DLGAP1: variants seen among roughly 807,000 people sequenced by gnomAD.
The protein encoded by DLGAP1 is disks large-associated protein 1.
DLGAP1 carries 11 observed loss-of-function variants against 90.8 expected under a neutral mutation model. That is an observed-to-expected ratio of 0.12 (90% CI 0.08 to 0.20). The LOEUF (loss-of-function observed/expected upper bound fraction) is 0.20, where lower values mean the gene tolerates loss of function less well. Ranked by LOEUF, DLGAP1 falls within the 10% of genes least tolerant of loss-of-function variation. The pLI is 1.00. For synonymous variants in DLGAP1, 558 were observed against 540.7 expected (o/e 1.03, Z -0.44); for missense variants, 1,050 against 1,333.8 (o/e 0.79, Z 3.31).
At chr18:3,501,588 C>T (rs900475985) in intron 12 of DLGAP1, among the ~76,000 whole-genome samples, 18 of 152,096 alleles carry the variant, frequency 1.2e-4, no homozygotes, top group African/African-American at 2.4e-4. Context: ...ACATGATATG[C>T]GGTAGCAGAA....
intron 1 of DLGAP1, among the ~76,000 whole-genome samples, chr18:4,238,091 T>C (rs548414896): frequency 6.6e-6 from 1 of 152,308 alleles, no homozygotes; most frequent in South Asian, 2.1e-4. Flanking sequence ...ATGTTTTGGA[T>C]TTTGGAGCAT....
chr18:3,650,786 T>A (rs2146437444), intron 7 of DLGAP1, among the ~76,000 whole-genome samples: 1 of 152,304 alleles, frequency 6.6e-6, no homozygotes, highest in South Asian at 2.1e-4. Flanking sequence ...ATGTTGAAAC[T>A]GGCCAGGCAT....
intron 3 of DLGAP1, among the ~76,000 whole-genome samples, chr18:3,930,090 A>G (rs1332985497): frequency 6.6e-6 from 1 of 152,218 alleles, no homozygotes; most frequent in African/African-American, 2.4e-5. Flanking sequence ...AACTTTGCCA[A>G]TTCAATGTGT....
intron 3 of DLGAP1, among the ~76,000 whole-genome samples, chr18:3,981,826 T>G (rs1052400466): frequency 6.6e-6 from 1 of 152,186 alleles, no homozygotes; most frequent in Non-Finnish European, 1.5e-5. Flanking sequence ...AGTGATGGAT[T>G]CTCTTTCACA....
intron 1 of DLGAP1, among the ~76,000 whole-genome samples, chr18:4,185,545 T>A (rs902218995): frequency 6.6e-6 from 1 of 152,158 alleles, no homozygotes; most frequent in African/African-American, 2.4e-5. Context: ...AGTTTGCTAA[T>A]GGCCTTTGGC....
chr18:3,609,896 A>G (rs2057518160), intron 7 of DLGAP1, among the ~76,000 whole-genome samples: 1 of 151,286 alleles, frequency 6.6e-6, no homozygotes, highest in Admixed American at 6.6e-5. Context: ...TGTCTCTACT[A>G]AAAATACAAA....
At chr18:4,306,558 A>G (rs2080270691) in intron 1 of DLGAP1, among the ~76,000 whole-genome samples, 1 of 151,880 alleles carries the variant, frequency 6.6e-6, no homozygotes, top group Non-Finnish European at 1.5e-5. Context: ...GGAAAACAGA[A>G]GCCCTGGTTA....
chr18:3,881,094 T>A (rs2148829234), intron 3 of DLGAP1, among the ~76,000 whole-genome samples: 1 of 151,986 alleles, frequency 6.6e-6, no homozygotes. Flanking sequence ...TCTTGCTTCT[T>A]GGGTCTTATT....
chr18:4,135,811 G>T (rs1406849790), intron 2 of DLGAP1, among the ~76,000 whole-genome samples: 1 of 89,010 alleles, frequency 1.1e-5, no homozygotes, highest in East Asian at 2.5e-4. Context: ...TTTTTTTACG[G>T]CTGAATAGTA....
intron 1 of DLGAP1, among the ~76,000 whole-genome samples, chr18:4,373,411 A>G (rs2081955766): frequency 6.6e-6 from 1 of 152,190 alleles, no homozygotes; most frequent in African/African-American, 2.4e-5. Flanking sequence ...AGTGGGAGGC[A>G]TCAAAGGAAG....
intron 8 of DLGAP1, among the ~76,000 whole-genome samples, chr18:3,567,906 GT>G (rs1261980844): frequency 1.0e-4 from 15 of 150,062 alleles, no homozygotes; most frequent in East Asian, 7.8e-4. Context: ...GTTCTTGGAA[GT>G]TTTTTTTTTC....
At chr18:3,651,583 A>G (rs551482926) in intron 7 of DLGAP1, among the ~76,000 whole-genome samples, 25 of 152,262 alleles carry the variant, frequency 1.6e-4, no homozygotes, top group African/African-American at 6.0e-4. Flanking sequence ...ACTTGAGGCC[A>G]GGAGTTTGAG....
intron 7 of DLGAP1, among the ~76,000 whole-genome samples, chr18:3,614,331 C>T (rs955335475): frequency 7.2e-5 from 11 of 152,000 alleles, no homozygotes; most frequent in Admixed American, 1.3e-4. Context: ...TCTGGGATAC[C>T]GCAAAGTATT....
Position 4,023,265 on chromosome 18 carries a change from CTTTCTTTTTCTCCTTTCT to C in DLGAP1, c.-158-18082_-158-18065del, listed in dbSNP as rs781323419. 3.9e-5 allele frequency among the ~76,000 whole-genome samples: 6 copies of C among 151,902 alleles called. No homozygotes were observed. In the South Asian group the frequency reaches 1.0e-3, roughly 26 times the overall value. On this transcript the variant is annotated intron_variant, in intron 2 of 12. Transcript: ENST00000315677. Reference sequence around the variant, plus strand: ...TGCTTATTTTTTTTCTTTAGGTTTTCTTTCTTTTTCTCCTTTCTTTTCTTTTTAAAAATGTACCATATG... The same window carrying C: ...TGCTTATTTTTTTTCTTTAGGTTTTCTTTCTTTTTAAAAATGTACCATATG...
chr18:4,053,072 C>T (rs1221893511), intron 2 of DLGAP1, among the ~76,000 whole-genome samples: 1 of 152,192 alleles, frequency 6.6e-6, no homozygotes, highest in African/African-American at 2.4e-5. Flanking sequence ...TGCCTGTTAC[C>T]CAGTTCCAAA....
intron 3 of DLGAP1, among the ~76,000 whole-genome samples, chr18:3,893,743 A>G (rs1186574007): frequency 1.3e-5 from 2 of 152,002 alleles, no homozygotes; most frequent in Non-Finnish European, 2.9e-5. Flanking sequence ...CAGTAGTGGG[A>G]TTGCTGGATC....
chr18:4,379,224 A>T (rs982944700), intron 1 of DLGAP1, among the ~76,000 whole-genome samples: 4 of 152,150 alleles, frequency 2.6e-5, no homozygotes, highest in African/African-American at 9.7e-5. Flanking sequence ...AACAGGAACC[A>T]GGTGATGAGA....
chr18:3,735,024 T>C (rs1346576852), intron 6 of DLGAP1, among the ~76,000 whole-genome samples: 1 of 152,178 alleles, frequency 6.6e-6, no homozygotes, highest in African/African-American at 2.4e-5. Flanking sequence ...TTTTGTTACT[T>C]TGTGTTATTG....
At position 3,768,194 on chromosome 18, in the gene DLGAP1, C is replaced by A. The variant is rs188359099; in HGVS notation, c.1173-25682G>T. Among the ~76,000 whole-genome samples the A allele has an allele frequency of 2.6e-3, 401 of 152,214 alleles. 2 individuals are homozygous for A. The highest frequency in any genetic ancestry group is 8.7e-3 in the African/African-American group (360 of 41,510). On this transcript the variant is annotated intron_variant, in intron 5 of 12. Coordinates refer to ENST00000315677, the MANE Select transcript of DLGAP1 (RefSeq NM_004746.4). Reference sequence around the variant, plus strand: ...GGACGCAGAAATTAAAAATCCAATACCATTTACAACTGCTTAGAAAATAAA... The same window carrying A: ...GGACGCAGAAATTAAAAATCCAATAACATTTACAACTGCTTAGAAAATAAA...
Sources: gnomAD v4.1 joint callset for allele counts (sites outside exome capture counted in the v4.1 genomes callset) on GRCh38, gnomAD v4.1.1 for gene constraint, MANE v1.5 for transcripts, NCBI Gene and HGNC (gene_info 2026-07-23, HGNC 2026-07-21) for gene names.